The following PHF21B variants were observed in gnomAD, a reference collection of about 807,000 sequenced individuals.
The protein encoded by PHF21B is PHD finger protein 21B.
Under a neutral mutation model 62.2 loss-of-function variants are expected in PHF21B, and 22 were observed. The observed-to-expected ratio is 0.35, with a 90% CI of 0.25 to 0.51. The LOEUF (loss-of-function observed/expected upper bound fraction) is 0.51, where lower values mean the gene tolerates loss of function less well. Among genes scored for constraint, PHF21B ranks in the 20% least tolerant of loss-of-function variants. The pLI is 0.97. For missense variants in PHF21B, 701 were observed against 707.9 expected (o/e 0.99, Z 0.11); for synonymous variants, 341 against 314.7 (o/e 1.08, Z -0.88).
intron 2 of PHF21B, among the ~76,000 whole-genome samples, chr22:44,966,783 G>A (rs935422800): frequency 2.6e-5 from 4 of 152,216 alleles, no homozygotes; most frequent in African/African-American, 4.8e-5. Flanking sequence ...TGAGGAGTGA[G>A]GTCCAGTCCA....
chr22:44,904,808 A>G (rs1189857866), intron 5 of PHF21B, among the ~76,000 whole-genome samples: 1 of 146,174 alleles, frequency 6.8e-6, no homozygotes, highest in Non-Finnish European at 1.5e-5. Context: ...GTCCATCTTG[A>G]AGTGCAAAAG....
chr22:44,913,891 C>T lies in PHF21B; in HGVS notation c.762G>A (p.Glu254=). ...TGGTGGCCTGAGCTCCCTGAGATGG[C>T]TCCTCTGTGGGCGGCCGCGACTCTG... ...STAESRPPTE[E]PSQGAQATKK... The change falls in exon 5 of 13, where the codon GAG becomes GAA. Residue 254 remains glutamate (E), a synonymous_variant. Transcript: ENST00000313237. 1 of 1,614,020 alleles carries T rather than the reference C, an allele frequency of 6.2e-7. No homozygotes were observed.
In PHF21B at chr22:44,948,534, A is replaced by T. The variant is rs575787141; in HGVS notation, c.121-28044T>A. 5.7e-4 allele frequency among the ~76,000 whole-genome samples: 87 copies of T among 152,090 alleles called. No individual in the cohort carries two copies. In the East Asian group the frequency reaches 0.016, roughly 28 times the overall value. On this transcript the variant is annotated intron_variant, in intron 2 of 12. Transcript: ENST00000313237. ...CATCTCTACTAAAAATAAAATAAAA[A>T]AAAACATTTAGCTAGGTGTGGTGGT... is the stretch of plus-strand genomic sequence containing the variant.
intron 2 of PHF21B, among the ~76,000 whole-genome samples, chr22:44,984,772 T>C (rs1283270956): frequency 6.6e-6 from 1 of 152,212 alleles, no homozygotes; most frequent in East Asian, 1.9e-4. Flanking sequence ...ATTAGGACTG[T>C]TTTCTATTCC....
intron 2 of PHF21B, among the ~76,000 whole-genome samples, chr22:44,967,786 T>C (rs1335306263): frequency 1.3e-5 from 2 of 152,174 alleles, no homozygotes; most frequent in Non-Finnish European, 2.9e-5. Flanking sequence ...GGATCCCACA[T>C]GACATTTCAT....
intron 2 of PHF21B, chr22:44,989,393 CT>C: frequency 6.6e-6 from 1 of 152,198 alleles, no homozygotes; most frequent in Admixed American, 6.5e-5. Context: ...TCAAACCTCG[CT>C]TTTTAAACCC....
chr22:44,909,732 TTGCCTA>T (rs1461961433), intron 5 of PHF21B, among the ~76,000 whole-genome samples: 1 of 152,220 alleles, frequency 6.6e-6, no homozygotes, highest in Non-Finnish European at 1.5e-5. Context: ...TCGTGTGCTA[TTGCCTA>T]TGCAGTGCCC....
intron 2 of PHF21B, among the ~76,000 whole-genome samples, chr22:44,928,560 C>T (rs2071678856): frequency 6.6e-6 from 1 of 152,170 alleles, no homozygotes; most frequent in African/African-American, 2.4e-5. Context: ...CAGGCGCCCA[C>T]CACCATGTCT....
Position 44,916,638 on chromosome 22 carries a change from G to T in PHF21B, c.214-8C>A, listed in dbSNP as rs2071440502. The T allele has an allele frequency of 6.3e-7, 1 of 1,599,320 alleles. No homozygotes were observed. Among genetic ancestry groups the T allele is most frequent in the East Asian group, 2.2e-5 (1 of 44,870 alleles). ...CAGAGTCTTTGGCCTAACCTGGGAA[G>T]AAGGGACAGGTATGTGGTCAGACAG... On this transcript the variant is annotated splice_polypyrimidine_tract_variant and splice_region_variant and intron_variant, in intron 3 of 12. Coordinates refer to ENST00000313237, the MANE Select transcript of PHF21B (RefSeq NM_138415.5).
intron 2 of PHF21B, among the ~76,000 whole-genome samples, chr22:44,978,614 C>A (rs2072781837): frequency 6.6e-6 from 1 of 152,272 alleles, no homozygotes; most frequent in Non-Finnish European, 1.5e-5. Context: ...CCGCCTCGGT[C>A]TCCCAAAGTG....
At chr22:45,006,476 C>G (rs1375518992) in intron 2 of PHF21B, among the ~76,000 whole-genome samples, 3 of 152,196 alleles carry the variant, frequency 2.0e-5, no homozygotes, top group Admixed American at 1.3e-4. Flanking sequence ...AGAGCTCCTT[C>G]CCGAAGCTGC....
rs11312000 is a variant in PHF21B at position 44,957,903 on chromosome 22, A to ATTT, written c.121-37416_121-37414dup. On this transcript the variant is annotated intron_variant, in intron 2 of 12. Coordinates refer to ENST00000313237, the MANE Select transcript of PHF21B (RefSeq NM_138415.5). Reference sequence around the variant, plus strand: ...TAGCTGGACCTGATCACCACTGGACATTTTTTTTTTTTTTTTGAGATGGAG... The same window carrying ATTT: ...TAGCTGGACCTGATCACCACTGGACATTTTTTTTTTTTTTTTTTTGAGATGGAG... Among the ~76,000 whole-genome samples, 10 of 138,246 alleles carry ATTT rather than the reference A, an allele frequency of 7.2e-5. 1 individual carries two copies. The highest frequency in any genetic ancestry group is 2.7e-4 in the African/African-American group (10 of 37,458). The allele number at this position is 138,246 out of a possible 152,430, so 90.7% of individuals were successfully genotyped here.
intron 2 of PHF21B, among the ~76,000 whole-genome samples, chr22:44,956,799 G>A (rs1205186147): frequency 6.6e-6 from 1 of 152,192 alleles, no homozygotes; most frequent in African/African-American, 2.4e-5. Flanking sequence ...CTTGGGCTAA[G>A]GGACAGAGGC....
intron 2 of PHF21B, among the ~76,000 whole-genome samples, chr22:44,951,726 A>C (rs998434764): frequency 2.0e-5 from 3 of 152,264 alleles, no homozygotes; most frequent in African/African-American, 7.2e-5. Flanking sequence ...GGATTATCAT[A>C]AAGAATGGCT....
At chr22:44,929,940 C>A (rs537209820) in intron 2 of PHF21B, among the ~76,000 whole-genome samples, 7 of 152,312 alleles carry the variant, frequency 4.6e-5, no homozygotes, top group Non-Finnish European at 7.4e-5. Flanking sequence ...AGGAAGGACC[C>A]CTGCAGCACC....
At chr22:44,899,954 T>C (rs1056405426) in intron 5 of PHF21B, among the ~76,000 whole-genome samples, 1 of 152,194 alleles carries the variant, frequency 6.6e-6, no homozygotes, top group East Asian at 1.9e-4. Flanking sequence ...TCAAATAGTT[T>C]ACTCCTTTCT....
At chr22:44,948,614 C>G (rs1416922095) in intron 2 of PHF21B, among the ~76,000 whole-genome samples, 1 of 151,710 alleles carries the variant, frequency 6.6e-6, no homozygotes, top group Non-Finnish European at 1.5e-5. Flanking sequence ...TCGCTCGAAC[C>G]CGGGAGGCAG....
chr22:44,994,483 A>C (rs2073089185), intron 2 of PHF21B, among the ~76,000 whole-genome samples: 2 of 152,210 alleles, frequency 1.3e-5, no homozygotes, highest in Admixed American at 1.3e-4. Flanking sequence ...CTCCGGAGGG[A>C]GTGCGGCCCT....
rs577279847 is a variant in PHF21B, at chr22:45,009,621, G to A, written c.-72C>T. The A allele has an allele frequency of 1.3e-5, 18 of 1,432,908 alleles. No homozygotes were observed. Among genetic ancestry groups the A allele is most frequent in the East Asian group, 8.4e-5 (3 of 35,572 alleles). The allele number at this position is 1,432,908 out of a possible 1,614,324, so 88.8% of individuals were successfully genotyped here. ...CGGGAAGTTGCGCGGCTCCGCGGGG[G>A]CCAGAGCGGGCGCGGGCGGACGCGG... is the stretch of plus-strand genomic sequence containing the variant. On this transcript the variant is annotated 5_prime_UTR_variant, in exon 1 of 13. Transcript: ENST00000313237. The surrounding 1 kb of genome is among the most constrained non-coding windows in gnomAD (Gnocchi z 5.9).
Sources: gnomAD v4.1 joint callset for allele counts (sites outside exome capture counted in the v4.1 genomes callset) on GRCh38, gnomAD v4.1.1 for gene constraint, Gnocchi (gnomAD v3.1) non-coding constraint, MANE v1.5 for transcripts, NCBI Gene and HGNC (gene_info 2026-07-23, HGNC 2026-07-21) for gene names.